RABL3: variants seen among roughly 807,000 people sequenced by gnomAD.
RABL3 encodes rab-like protein 3.
Under a neutral mutation model 31.8 loss-of-function variants are expected in RABL3, and 31 were observed. The observed-to-expected ratio is 0.97, with a 90% CI of 0.73 to 1.31. The LOEUF (loss-of-function observed/expected upper bound fraction) is 1.31, where lower values mean the gene tolerates loss of function less well. Among genes scored for constraint, RABL3 ranks in the 40% most tolerant of loss-of-function variants. The pLI, the probability that RABL3 is intolerant of heterozygous loss-of-function variation, is 0.00. For missense variants in RABL3, 263 were observed against 279.6 expected (o/e 0.94, Z 0.42); for synonymous variants, 97 against 99.9 (o/e 0.97, Z 0.18).
intron 4 of RABL3, among the ~76,000 whole-genome samples, chr3:120,702,714 C>T (rs529858359): frequency 7.9e-5 from 12 of 152,126 alleles, no homozygotes; most frequent in East Asian, 5.8e-4. Context: ...CCCGCCACAA[C>T]GCCTGGCTAA....
intron 2 of RABL3, among the ~76,000 whole-genome samples, chr3:120,716,946 C>T (rs1708677465): frequency 6.6e-6 from 1 of 152,156 alleles, no homozygotes; most frequent in South Asian, 2.1e-4. Flanking sequence ...TCACGCAGTG[C>T]ATTCTTCTCA....
chr3:120,742,251 C>T (rs1309273698), intron 1 of RABL3, among the ~76,000 whole-genome samples: 2 of 151,868 alleles, frequency 1.3e-5, no homozygotes, highest in African/African-American at 4.8e-5. Context: ...GGCAAAAGAC[C>T]CGGGCTCCGC....
intron 1 of RABL3, among the ~76,000 whole-genome samples, chr3:120,741,863 C>T (rs1709047343): frequency 6.6e-6 from 1 of 152,172 alleles, no homozygotes; most frequent in Non-Finnish European, 1.5e-5. Context: ...GACCACTACC[C>T]AATATGTCAC....
At position 120,706,024 on chromosome 3, in the gene RABL3, G is replaced by A; in HGVS notation, c.359C>T (p.Pro120Leu). ...SLEALNRDLV[P>L]TGVLVTNGDY... is the part of the protein sequence containing the mutation. ...CCCATTTGTCACCAAGACTCCAGTT[G>A]GCACCAAATCCCTGTTGAGAGCTTC... The change falls in exon 4 of 8, where the codon CCA (proline) becomes CTA (leucine). Residue 120 changes from proline to leucine, a missense_variant. Physicochemically the swap from Pro to Leu is moderately conservative, Grantham distance 98. Coordinates refer to ENST00000273375, the MANE Select transcript of RABL3 (RefSeq NM_173825.5). 6.2e-7 allele frequency: 1 copy of A among 1,612,282 alleles called. No individual in the cohort carries two copies. Among genetic ancestry groups the A allele is most frequent in the East Asian group, 2.2e-5 (1 of 44,832 alleles).
chr3:120,689,305 A>G lies in RABL3; in HGVS notation c.*518T>C, dbSNP rs1014152143. On this transcript the variant is annotated 3_prime_UTR_variant, in exon 8 of 8. Transcript: ENST00000273375. Reference sequence around the variant, plus strand: ...CTATTATTAGGCATTCCTGTGTGTGACAATGGTGGAGACAATTAAATAACA... The same window carrying G: ...CTATTATTAGGCATTCCTGTGTGTGGCAATGGTGGAGACAATTAAATAACA... 1.3e-5 allele frequency: 2 copies of G among 152,258 alleles called. No homozygotes were observed. The highest frequency in any genetic ancestry group is 4.8e-5 in the African/African-American group (2 of 41,446). 9.4% of individuals were successfully genotyped at this position (152,258 alleles called of 1,614,324 possible). A position where few individuals can be genotyped will look rare whatever the true frequency, so the allele number is the denominator to read the frequency against.
intron 4 of RABL3, among the ~76,000 whole-genome samples, chr3:120,700,277 A>G (rs569351810): frequency 6.6e-6 from 1 of 152,248 alleles, no homozygotes; most frequent in Admixed American, 6.5e-5. Flanking sequence ...TGGGTGGAAA[A>G]ATAAAGACAA....
At chr3:120,698,285 T>G (rs1164670012) in intron 5 of RABL3, 138 bp downstream of exon 5, 1 of 789,654 alleles carries the variant, frequency 1.3e-6, no homozygotes, top group Non-Finnish European at 2.0e-6. Flanking sequence ...ATTCCAATCT[T>G]GACTACGTTT....
intron 6 of RABL3, among the ~76,000 whole-genome samples, chr3:120,691,084 T>C (rs527459378): frequency 3.9e-5 from 6 of 152,122 alleles, no homozygotes; most frequent in African/African-American, 7.2e-5. Context: ...ATTTGATAAG[T>C]AGAAAAAACA....
intron 6 of RABL3, among the ~76,000 whole-genome samples, chr3:120,693,774 G>C (rs1301689771): frequency 6.6e-6 from 1 of 152,130 alleles, no homozygotes; most frequent in African/African-American, 2.4e-5. Context: ...ACAGCTAGGA[G>C]AGCAAAAAGA....
intron 4 of RABL3, among the ~76,000 whole-genome samples, chr3:120,702,386 G>A (rs1708502063): frequency 1.3e-5 from 2 of 151,904 alleles, no homozygotes; most frequent in African/African-American, 4.8e-5. Context: ...TTCACAATAG[G>A]ATTCACGCTC....
intron 2 of RABL3, among the ~76,000 whole-genome samples, chr3:120,714,750 TA>T (rs1708649324): frequency 6.6e-6 from 1 of 152,188 alleles, no homozygotes; most frequent in South Asian, 2.1e-4. Context: ...TGTTTCTTAC[TA>T]AAAATCAATC....
chr3:120,731,183 T>C (rs1708878239), intron 1 of RABL3, among the ~76,000 whole-genome samples: 1 of 152,232 alleles, frequency 6.6e-6, no homozygotes, highest in African/African-American at 2.4e-5. Flanking sequence ...TTTAATCAAT[T>C]TAGCCTATTT....
At chr3:120,715,336 T>G (rs1158045929) in intron 2 of RABL3, among the ~76,000 whole-genome samples, 1 of 152,102 alleles carries the variant, frequency 6.6e-6, no homozygotes, top group Non-Finnish European at 1.5e-5. Context: ...GCCAGGAGTT[T>G]GAGACCAGCC....
At chr3:120,695,953 G>C (rs963981084) in intron 5 of RABL3, among the ~76,000 whole-genome samples, 2 of 152,162 alleles carry the variant, frequency 1.3e-5, no homozygotes, top group African/African-American at 4.8e-5. Flanking sequence ...ATTTAGAGCT[G>C]AAAGAGCCAT....
intron 1 of RABL3, among the ~76,000 whole-genome samples, chr3:120,737,992 G>A (rs1286635227): frequency 6.6e-6 from 1 of 152,208 alleles, no homozygotes; most frequent in Non-Finnish European, 1.5e-5. Context: ...ACTTGAGGGG[G>A]CAATCTGTCT....
chr3:120,739,181 A>G (rs1484733538), intron 1 of RABL3, among the ~76,000 whole-genome samples: 3 of 152,198 alleles, frequency 2.0e-5, no homozygotes, highest in Non-Finnish European at 4.4e-5. Context: ...GTTCGAGACC[A>G]GCCTGGCCAA....
At chr3:120,699,264 G>A (rs1202927268) in intron 4 of RABL3, among the ~76,000 whole-genome samples, 1 of 152,188 alleles carries the variant, frequency 6.6e-6, no homozygotes, top group African/African-American at 2.4e-5. Flanking sequence ...TTAGTACCAA[G>A]TAGTTGTTTC....
chr3:120,725,011 G>C (rs1708800151), intron 2 of RABL3, among the ~76,000 whole-genome samples: 1 of 152,052 alleles, frequency 6.6e-6, no homozygotes, highest in South Asian at 2.1e-4. Context: ...GAGTGAACAG[G>C]CAACCTACAG....
At position 120,694,203 on chromosome 3, in the gene RABL3, AGTACC is replaced by A; in HGVS notation, c.551_555del (p.Arg184LeufsTer13). On this transcript the variant is annotated frameshift_variant, in exon 6 of 8. Coordinates refer to ENST00000273375, the MANE Select transcript of RABL3 (RefSeq NM_173825.5). LOFTEE classifies it high-confidence loss of function. The stretch of plus-strand genomic sequence containing the variant: ...ACAGCATTGGAAGAACCTGCAGCTA[AGTACC>A]GTGGATTTGTGCAGTCCTAGAAGAT... 6.2e-7 allele frequency: 1 copy of A among 1,611,456 alleles called. No individual in the cohort carries two copies. The highest frequency in any genetic ancestry group is 8.5e-7 in the Non-Finnish European group (1 of 1,178,006).
Sources: allele counts gnomAD v4.1 joint callset (sites outside exome capture counted in the v4.1 genomes callset), GRCh38; gene constraint gnomAD v4.1.1; transcripts MANE v1.5; gene names NCBI Gene and HGNC (gene_info 2026-07-23, HGNC 2026-07-21).